Variants in ANKRD36 observed in about 807,000 individuals in gnomAD.
The protein encoded by ANKRD36 is ankyrin repeat domain 36, also known as ankyrin repeat domain-containing protein 36A.
In ANKRD36, 179 loss-of-function variants were observed where a neutral mutation model predicts 278.1. The ratio of observed to expected loss-of-function variants is 0.64; its 90% CI spans 0.57 to 0.73. The LOEUF (loss-of-function observed/expected upper bound fraction) is 0.73. Among genes scored for constraint, ANKRD36 ranks in the 30% least tolerant of loss-of-function variants. The probability of loss-of-function intolerance (pLI) is 0.00; values close to 1 mark genes in which losing one functional copy is unlikely to be tolerated. For missense variants in ANKRD36, 1,159 were observed against 1,956.7 expected, an observed-to-expected ratio of 0.59 and a Z score of 7.69; for synonymous variants, 320 against 641.1, an observed-to-expected ratio of 0.50 and a Z score of 7.57.
intron 48 of ANKRD36, among the ~76,000 whole-genome samples, chr2:97,202,765 A>C (rs1558741728): frequency 6.6e-6 from 1 of 151,936 alleles, no homozygotes; most frequent in Admixed American, 6.6e-5. Context: ...AAAAACAGAC[A>C]GAAAACTTCT....
chr2:97,229,853 C>A (rs979377210), intron 67 of ANKRD36, among the ~76,000 whole-genome samples: 2 of 152,094 alleles, frequency 1.3e-5, no homozygotes, highest in Non-Finnish European at 2.9e-5. Context: ...AATCTCTCAT[C>A]ATTTGCTTGT....
intron 5 of ANKRD36, 90 bp downstream of exon 5, chr2:97,124,687 A>C (rs2038040841): frequency 7.0e-7 from 1 of 1,427,878 alleles, no homozygotes; most frequent in South Asian, 1.5e-5. Flanking sequence ...GTGAGATTTC[A>C]TAGTTTGGTT....
intron 50 of ANKRD36, among the ~76,000 whole-genome samples, chr2:97,204,515 G>A (rs1265352266): frequency 6.6e-6 from 1 of 151,334 alleles, no homozygotes; most frequent in African/African-American, 2.4e-5. Context: ...AAGGCATAAG[G>A]GGCTCCGGGG....
intron 67 of ANKRD36, among the ~76,000 whole-genome samples, chr2:97,228,341 A>C (rs1395925218): frequency 1.3e-5 from 2 of 152,064 alleles, no homozygotes; most frequent in Non-Finnish European, 2.9e-5. Context: ...TCAGAGATTC[A>C]ACTTCTTCCT....
intron 56 of ANKRD36, among the ~76,000 whole-genome samples, chr2:97,210,845 TTGA>T (rs1377643283): frequency 6.6e-6 from 1 of 151,850 alleles, no homozygotes; most frequent in African/African-American, 2.4e-5. Context: ...AAGTTGATAA[TTGA>T]TGATATTTTT....
At chr2:97,223,377 G>A (rs1431459036) in intron 66 of ANKRD36, among the ~76,000 whole-genome samples, 4 of 151,442 alleles carry the variant, frequency 2.6e-5, no homozygotes, top group Non-Finnish European at 5.9e-5. Context: ...GTGATTACAG[G>A]CGTGAGCCAC....
intron 64 of ANKRD36, among the ~76,000 whole-genome samples, chr2:97,217,652 A>C (rs1485183589): frequency 6.6e-6 from 1 of 152,100 alleles, no homozygotes; most frequent in Non-Finnish European, 1.5e-5. Flanking sequence ...GGGACAGCAT[A>C]ATTTTGCTCT....
intron 22 of ANKRD36, among the ~76,000 whole-genome samples, chr2:97,176,670 G>A (rs550568671): frequency 2.3e-4 from 35 of 150,718 alleles, no homozygotes; most frequent in African/African-American, 8.5e-4. Flanking sequence ...CTGTCATTAC[G>A]ATGTTAGCTG....
At chr2:97,140,860 CAAAG>C (rs1249705174) in intron 6 of ANKRD36, among the ~76,000 whole-genome samples, 5 of 151,794 alleles carry the variant, frequency 3.3e-5, no homozygotes, top group Non-Finnish European at 5.9e-5. Flanking sequence ...ATTAGGCAAA[CAAAG>C]AAAGCAGCTA....
intron 68 of ANKRD36, among the ~76,000 whole-genome samples, chr2:97,235,191 A>G (rs538734626): frequency 2.2e-3 from 332 of 151,596 alleles, no homozygotes; most frequent in African/African-American, 7.0e-3. Context: ...TTGTCTATGG[A>G]GTGAGGTGAG....
Position 97,215,416 on chromosome 2 carries a change from C to A in ANKRD36, c.3601-9C>A. On this transcript the variant is annotated splice_polypyrimidine_tract_variant and intron_variant, in intron 61 of 75. Transcript: ENST00000420699. ...ATGTATTGATTATTTTGTTTCAAAT[C>A]CCATTCAGGCTACAAGTGTCAAGAA... The A allele has an allele frequency of 6.4e-7, 1 of 1,573,712 alleles. No individual in the cohort carries two copies. Among genetic ancestry groups the A allele is most frequent in the South Asian group, 1.2e-5 (1 of 85,388 alleles).
At position 97,192,979 on chromosome 2, in the gene ANKRD36, A is replaced by C; in HGVS notation, c.2377-2A>C. 6.3e-7 allele frequency: 1 copy of C among 1,583,576 alleles called. No homozygotes were observed. Among genetic ancestry groups the C allele is most frequent in the Non-Finnish European group, 8.6e-7 (1 of 1,164,916 alleles). Reference sequence around the variant, plus strand: ...TATTATTTCATTTGAAATTCCATTCAGGCTACAAGTGACGAGGAAGGTTCT... The same window carrying C: ...TATTATTTCATTTGAAATTCCATTCCGGCTACAAGTGACGAGGAAGGTTCT... On this transcript the variant is annotated splice_acceptor_variant, in intron 37 of 75. Coordinates refer to ENST00000420699, the MANE Select transcript of ANKRD36 (RefSeq NM_001354587.1). LOFTEE classifies it high-confidence loss of function.
At chr2:97,201,420 A>T (rs2061347048) in intron 46 of ANKRD36, among the ~76,000 whole-genome samples, 1 of 151,942 alleles carries the variant, frequency 6.6e-6, no homozygotes, top group Admixed American at 6.6e-5. Flanking sequence ...TGAATATTGG[A>T]ATGATTTCTG....
chr2:97,210,817 C>A (rs1183542371), intron 56 of ANKRD36, among the ~76,000 whole-genome samples: 1 of 151,828 alleles, frequency 6.6e-6, no homozygotes. Context: ...AGCAGTTTTA[C>A]TTTGAAGAAG....
Position 97,113,175 on chromosome 2 carries a change from C to T in ANKRD36, c.-565C>T, listed in dbSNP as rs978778045. ...CCCGCCGGAGCCCGAGCTGCAGTGC[C>T]GCCTACAAGTGGTGCGCTGGCTGCA... On this transcript the variant is annotated 5_prime_UTR_variant, in exon 1 of 76. Transcript: ENST00000420699. Among the ~76,000 whole-genome samples the T allele has an allele frequency of 1.3e-5, 2 of 152,096 alleles. No individual in the cohort carries two copies. The highest frequency in any genetic ancestry group is 2.9e-5 in the Non-Finnish European group (2 of 68,006).
At chr2:97,117,878 T>G (rs1262130977) in intron 1 of ANKRD36, among the ~76,000 whole-genome samples, 186 bp from the exon 2 acceptor site, 3 of 151,996 alleles carry the variant, frequency 2.0e-5, no homozygotes, top group African/African-American at 7.3e-5. Context: ...CCAATTAAAC[T>G]GAATCCAAAA....
In ANKRD36 at chr2:97,202,227, G is replaced by C. The variant is rs770020659; in HGVS notation, c.2883G>C (p.Leu961Phe). The C allele has an allele frequency of 6.2e-7, 1 of 1,609,460 alleles. No individual in the cohort carries two copies. ...TGTCTTCTCAGAAACCACCAGCCTT[G>C]AAGGTAATGAAACTCCCATTTATCT... ...RKVSSQKPPA[L>F]KGTSDEEDSV... The change falls in exon 47 of 76, where the codon TTG becomes TTC. Residue 961 changes from leucine to phenylalanine, a missense_variant. Physicochemically the swap from Leu to Phe is conservative, Grantham distance 22. Transcript: ENST00000420699.
At chr2:97,256,370 T>C (rs1435276596) in intron 75 of ANKRD36, among the ~76,000 whole-genome samples, 7 of 152,172 alleles carry the variant, frequency 4.6e-5, no homozygotes, top group African/African-American at 1.4e-4. Context: ...AAAAAAAAAA[T>C]TCTGCTTCAA....
At chr2:97,179,829 A>G (rs751705024) in intron 23 of ANKRD36, 32 bp from the exon 24 acceptor site, 4 of 1,601,500 alleles carry the variant, frequency 2.5e-6, no homozygotes, top group Non-Finnish European at 3.4e-6. Context: ...CCTACTTTAC[A>G]TATTGATTAT....
Sources: gnomAD v4.1 joint callset for allele counts (sites outside exome capture counted in the v4.1 genomes callset) on GRCh38, gnomAD v4.1.1 for gene constraint, MANE v1.5 for transcripts, NCBI Gene and HGNC (gene_info 2026-07-23, HGNC 2026-07-21) for gene names.